The following DMD variants were observed in gnomAD, a reference collection of about 807,000 sequenced individuals.
The protein encoded by DMD is mutant dystrophin.
DMD carries 63 observed loss-of-function variants against 330.1 expected under a neutral mutation model. That is an observed-to-expected ratio of 0.19 (90% CI 0.16 to 0.24). The LOEUF is 0.24. Among genes scored for constraint, DMD ranks in the 10% least tolerant of loss-of-function variants. The probability of loss-of-function intolerance (pLI) is 1.00; values close to 1 mark genes in which losing one functional copy is unlikely to be tolerated. For missense variants in DMD, 3,344 were observed against 2,684.1 expected, an observed-to-expected ratio of 1.25 and a Z score of -5.43; for synonymous variants, 1,223 against 959.8, an observed-to-expected ratio of 1.27 and a Z score of -5.07.
chrX:32,900,704 C>A (rs2086155972), intron 2 of DMD, among the ~76,000 whole-genome samples: 1 of 110,727 alleles, frequency 9.0e-6, no homozygotes, highest in Non-Finnish European at 1.9e-5. Flanking sequence ...GCTCTATATT[C>A]CTTACACATG....
intron 6 of DMD, among the ~76,000 whole-genome samples, chrX:32,815,305 CAAA>C (rs113244283): frequency 0.014 from 957 of 69,509 alleles, 10 homozygotes; most frequent in African/African-American, 0.044. Context: ...GTAGAGTGGT[CAAA>C]AAAAAAAAAA....
At chrX:32,849,312 A>T (rs2078622903) in intron 3 of DMD, among the ~76,000 whole-genome samples, 2 of 111,794 alleles carry the variant, frequency 1.8e-5, no homozygotes, top group African/African-American at 6.5e-5. Context: ...TATTTTCATC[A>T]CATATGCTAT....
At chrX:31,264,074 A>G (rs754500553) in intron 62 of DMD, among the ~76,000 whole-genome samples, 1 of 112,408 alleles carries the variant, frequency 8.9e-6, no homozygotes, top group East Asian at 2.8e-4. Context: ...ACAAATCTGC[A>G]TAACTCATAT....
intron 44 of DMD, among the ~76,000 whole-genome samples, chrX:32,013,466 T>C (rs1426495406): frequency 8.9e-6 from 1 of 112,107 alleles, no homozygotes; most frequent in South Asian, 3.7e-4. Context: ...CTATTATACA[T>C]TATAATTTTT....
At chrX:32,017,253 T>G (rs975426503) in intron 44 of DMD, among the ~76,000 whole-genome samples, 14 of 111,887 alleles carry the variant, frequency 1.3e-4, no homozygotes, top group African/African-American at 4.6e-4. Context: ...TTCAATAATT[T>G]TGAAGCATCA....
chrX:31,159,763 A>G (rs2038586499), intron 74 of DMD, among the ~76,000 whole-genome samples: 1 of 112,097 alleles, frequency 8.9e-6, no homozygotes, highest in Non-Finnish European at 1.9e-5. Flanking sequence ...GGGCTCTAGA[A>G]GCTGAAACTT....
intron 32 of DMD, 151 bp from the exon 33 acceptor site, chrX:32,386,616 G>C (rs1460426007): frequency 8.3e-6 from 4 of 482,908 alleles, no homozygotes; most frequent in East Asian, 3.8e-5. Flanking sequence ...TCAATATCTA[G>C]CTTTTGCATT....
intron 61 of DMD, among the ~76,000 whole-genome samples, chrX:31,331,892 A>G (rs1361940150): frequency 8.9e-6 from 1 of 112,252 alleles, no homozygotes; most frequent in Non-Finnish European, 1.9e-5. Flanking sequence ...TCAGATATTA[A>G]AAACCAAATG....
At chrX:31,692,469 A>T (rs183580298) in intron 52 of DMD, among the ~76,000 whole-genome samples, 1 of 111,781 alleles carries the variant, frequency 8.9e-6, no homozygotes, top group African/African-American at 3.2e-5. Context: ...AAAAAAGTCA[A>T]TAAAACTAAA....
In DMD at chrX:32,088,575, C is replaced by T. The variant is rs769532558; in HGVS notation, c.6439-120061G>A. On this transcript the variant is annotated intron_variant, in intron 44 of 78. Coordinates refer to ENST00000357033, the MANE Select transcript of DMD (RefSeq NM_004006.3). Reference sequence around the variant, plus strand: ...ATAAGTGGGCTTTCCTAAGTAGTTTCGTAATAGGAGAAAAGCTGATGAATA... The same window carrying T: ...ATAAGTGGGCTTTCCTAAGTAGTTTTGTAATAGGAGAAAAGCTGATGAATA... Among the ~76,000 whole-genome samples the T allele has an allele frequency of 2.1e-4, 23 of 107,860 alleles. 1 individual carries two copies. Among genetic ancestry groups the T allele is most frequent in the Non-Finnish European group, 3.8e-4 (20 of 52,142 alleles). The allele number at this position is 107,860 out of a possible 115,157, so 93.7% of individuals were successfully genotyped here. A position where few individuals can be genotyped will look rare whatever the true frequency, so the allele number is the denominator to read the frequency against.
chrX:31,354,452 G>A (rs1569531638), intron 60 of DMD, among the ~76,000 whole-genome samples: 1 of 109,840 alleles, frequency 9.1e-6, no homozygotes, highest in Non-Finnish European at 1.9e-5. Context: ...AAGAAAAGAA[G>A]AAAACCATTT....
intron 2 of DMD, among the ~76,000 whole-genome samples, chrX:32,914,674 G>C (rs1401606210): frequency 8.9e-6 from 1 of 112,233 alleles, no homozygotes; most frequent in Non-Finnish European, 1.9e-5. Flanking sequence ...CCCTCTGGCA[G>C]GAAAATGGAC....
chrX:32,954,878 T>G (rs1295652505), intron 2 of DMD, among the ~76,000 whole-genome samples: 1 of 111,994 alleles, frequency 8.9e-6, no homozygotes. Context: ...GGTCTCATTC[T>G]TTCTTATGGC....
intron 5 of DMD, among the ~76,000 whole-genome samples, chrX:32,821,752 G>A (rs1238275941): frequency 9.0e-6 from 1 of 111,004 alleles, no homozygotes; most frequent in African/African-American, 3.3e-5. Context: ...TATCCAAAAA[G>A]GCAAATACAT....
intron 60 of DMD, among the ~76,000 whole-genome samples, chrX:31,376,320 T>C (rs2059882452): frequency 9.0e-6 from 1 of 111,564 alleles, no homozygotes; most frequent in South Asian, 3.7e-4. Flanking sequence ...AGATCAGGAG[T>C]CTGGGGAAGT....
intron 64 of DMD, among the ~76,000 whole-genome samples, chrX:31,217,533 C>T (rs2045541959): frequency 8.9e-6 from 1 of 112,113 alleles, no homozygotes; most frequent in Admixed American, 9.5e-5. Context: ...ACTGAGATAA[C>T]ATCATTAATT....
intron 46 of DMD, among the ~76,000 whole-genome samples, chrX:31,930,272 T>A (rs1280227147): frequency 1.8e-5 from 2 of 111,088 alleles, no homozygotes; most frequent in Admixed American, 1.9e-4. Flanking sequence ...ATCAGGTAGA[T>A]CCAATTATCT....
Position 31,804,086 on chromosome X carries a change from C to T in DMD, c.7309+15889G>A, listed in dbSNP as rs753369471. 2.4e-4 allele frequency among the ~76,000 whole-genome samples: 27 copies of T among 111,275 alleles called. No individual in the cohort carries two copies. In the South Asian group the frequency reaches 0.01, roughly 43 times the overall value. ...AGACTTCAGCTTTGTTTTATCATAA[C>T]GCTGGTTAACTCTGGCATCCATATT... On this transcript the variant is annotated intron_variant, in intron 50 of 78. Transcript: ENST00000357033.
At chrX:32,794,359 G>A (rs1281581456) in intron 7 of DMD, among the ~76,000 whole-genome samples, 3 of 111,812 alleles carry the variant, frequency 2.7e-5, no homozygotes, top group Non-Finnish European at 5.6e-5. Context: ...GGAGGCAGAG[G>A]TGGGTGGATC....
Sources: gnomAD v4.1 joint callset for allele counts (sites outside exome capture counted in the v4.1 genomes callset) on GRCh38, gnomAD v4.1.1 for gene constraint, MANE v1.5 for transcripts, NCBI Gene and HGNC (gene_info 2026-07-23, HGNC 2026-07-21) for gene names.